The following SEMA4D variants were observed in gnomAD, a reference collection of about 807,000 sequenced individuals.
The protein encoded by SEMA4D is semaphorin 4D, also known as semaphorin-4D.
In SEMA4D, 22 loss-of-function variants were observed where a neutral mutation model predicts 74.8. The observed-to-expected ratio is 0.29, with a 90% confidence interval of 0.21 to 0.42. The LOEUF (loss-of-function observed/expected upper bound fraction) is 0.42, where lower values mean the gene tolerates loss of function less well. Among genes scored for constraint, SEMA4D ranks in the 10% least tolerant of loss-of-function variants. The pLI, the probability that SEMA4D is intolerant of heterozygous loss-of-function variation, is 1.00. For synonymous variants in SEMA4D, 445 were observed against 463.7 expected (o/e 0.96, Z 0.52); for missense variants, 937 against 1,118.4 (o/e 0.84, Z 2.31).
At chr9:89,486,308 G>A (rs1334807080) in intron 1 of SEMA4D, among the ~76,000 whole-genome samples, 2 of 152,202 alleles carry the variant, frequency 1.3e-5, no homozygotes, top group African/African-American at 4.8e-5. Context: ...CAGGTCAGTG[G>A]TTGCTAGGTC....
chr9:89,389,085 G>T (rs1265032119), intron 9 of SEMA4D, 38 bp from the exon 10 acceptor site: 3 of 1,610,174 alleles, frequency 1.9e-6, no homozygotes, highest in Non-Finnish European at 1.7e-6. Context: ...GGCCGAGAGT[G>T]GATCCCCTGT....
At chr9:89,373,432 G>A (rs75789978), downstream of SEMA4D, among the ~76,000 whole-genome samples, 4,375 of 152,212 alleles carry the variant, frequency 0.029, 192 homozygotes, top group East Asian at 0.16. Flanking sequence ...CAGCTCTGGG[G>A]CAGACCCAGT....
At chr9:89,445,000 G>A (rs896453037) in intron 2 of SEMA4D, among the ~76,000 whole-genome samples, 9 of 152,060 alleles carry the variant, frequency 5.9e-5, no homozygotes, top group Admixed American at 3.3e-4. Flanking sequence ...AGATCCAAAC[G>A]GCCACAGAAT....
chr9:89,495,238 C>G (rs1335797019), intron 1 of SEMA4D, among the ~76,000 whole-genome samples: 1 of 152,090 alleles, frequency 6.6e-6, no homozygotes, highest in African/African-American at 2.4e-5. Flanking sequence ...GCTGTGACAC[C>G]CCCAGCTAAA....
At chr9:89,369,697 G>T (rs1347109655) in intron 16 of SEMA4D, among the ~76,000 whole-genome samples, 3 of 152,244 alleles carry the variant, frequency 2.0e-5, no homozygotes, top group Non-Finnish European at 4.4e-5. Context: ...AGTGATCCAT[G>T]AGGAACTTGG....
chr9:89,389,638 A>C (rs1257647780), intron 9 of SEMA4D, among the ~76,000 whole-genome samples: 1 of 152,242 alleles, frequency 6.6e-6, no homozygotes, highest in Non-Finnish European at 1.5e-5. Flanking sequence ...TGACCAAGAC[A>C]CAATTATAAA....
At chr9:89,399,644 C>A (rs1841742605) in intron 4 of SEMA4D, among the ~76,000 whole-genome samples, 1 of 152,068 alleles carries the variant, frequency 6.6e-6, no homozygotes. Context: ...AATTATTTTT[C>A]AAAAACCTAA....
At chr9:89,399,801 C>T (rs973577044) in intron 4 of SEMA4D, among the ~76,000 whole-genome samples, 7 of 151,856 alleles carry the variant, frequency 4.6e-5, no homozygotes, top group Non-Finnish European at 8.8e-5. Flanking sequence ...AGTTCCAGAC[C>T]AGCCTGGCCA....
At chr9:89,469,203 A>G (rs549117539) in intron 1 of SEMA4D, among the ~76,000 whole-genome samples, 17 of 152,374 alleles carry the variant, frequency 1.1e-4, no homozygotes, top group African/African-American at 3.8e-4. Context: ...AAATTTCTCA[A>G]TAACAACCAA....
chr9:89,413,715 G>A (rs977069223), intron 2 of SEMA4D, among the ~76,000 whole-genome samples: 1 of 152,240 alleles, frequency 6.6e-6, no homozygotes, highest in African/African-American at 2.4e-5. Context: ...ATGGGCATCT[G>A]TGTATGTGTG....
chr9:89,496,766 G>A (rs1354457302), intron 1 of SEMA4D, among the ~76,000 whole-genome samples: 1 of 152,198 alleles, frequency 6.6e-6, no homozygotes, highest in Admixed American at 6.5e-5. Flanking sequence ...ACCTCGCCTG[G>A]GCAGCCAGCA....
intron 8 of SEMA4D, among the ~76,000 whole-genome samples, chr9:89,392,030 C>A (rs1282961185): frequency 6.6e-6 from 1 of 152,226 alleles, no homozygotes; most frequent in African/African-American, 2.4e-5. Context: ...CCCATCTGAC[C>A]GGGCACTAGA....
chr9:89,362,352 G>T (rs1306834539), exon 19 of SEMA4D: 1 of 1,614,050 alleles, frequency 6.2e-7, no homozygotes, highest in Non-Finnish European at 8.5e-7. Context: ...GTCAGTGGCA[G>T]CAGGGTCTTG....
Position 89,392,516 on chromosome 9 carries a change from T to C in SEMA4D, c.529A>G (p.Thr177Ala). 6.2e-7 allele frequency: 1 copy of C among 1,613,482 alleles called. No homozygotes were observed. The highest frequency in any genetic ancestry group is 8.5e-7 in the Non-Finnish European group (1 of 1,179,648). Residue 177 changes from threonine (T) to alanine (A), a missense_variant, in exon 8 of 16, where the codon ACG (threonine) becomes GCG (alanine). Coordinates refer to ENST00000422704, the MANE Select transcript of SEMA4D (RefSeq NM_001371194.2). ...TCACTTCCCAAAAAATTATACGACG[T>C]CCCCGAATAAAGTTCTCCATCTGCA... ...VMVDGELYSG[T>A]SYNFLGSEPI... is the part of the protein sequence containing the mutation.
chr9:89,485,788 C>CAAAAAAA (rs56056536), intron 1 of SEMA4D, among the ~76,000 whole-genome samples: 9 of 76,834 alleles, frequency 1.2e-4, no homozygotes, highest in East Asian at 3.9e-4. Context: ...AACTCCATCT[C>CAAAAAAA]AAAAAAAAAA....
chr9:89,406,801 C>A (rs1843412709), intron 2 of SEMA4D, among the ~76,000 whole-genome samples: 1 of 152,148 alleles, frequency 6.6e-6, no homozygotes, highest in East Asian at 1.9e-4. Flanking sequence ...ACTCTAGAAC[C>A]CCACTCCTCC....
At chr9:89,489,152 T>C (rs936395729) in intron 1 of SEMA4D, among the ~76,000 whole-genome samples, 3 of 152,206 alleles carry the variant, frequency 2.0e-5, no homozygotes, top group Non-Finnish European at 4.4e-5. Context: ...ACTGCAACTC[T>C]CATGCGTTAG....
At chr9:89,422,078 T>C (rs1008171666) in intron 2 of SEMA4D, among the ~76,000 whole-genome samples, 17 of 152,198 alleles carry the variant, frequency 1.1e-4, no homozygotes, top group Non-Finnish European at 2.5e-4. Flanking sequence ...AGAGAACACA[T>C]TGCTGACGAT....
At chr9:89,429,701 T>C (rs1342803825) in intron 2 of SEMA4D, among the ~76,000 whole-genome samples, 1 of 152,178 alleles carries the variant, frequency 6.6e-6, no homozygotes, top group Admixed American at 6.5e-5. Context: ...CCGAGGGACG[T>C]ACCCGACCTC....
Sources: gnomAD v4.1 joint callset for allele counts (sites outside exome capture counted in the v4.1 genomes callset) on GRCh38, gnomAD v4.1.1 for gene constraint, MANE v1.5 for transcripts, NCBI Gene and HGNC (gene_info 2026-07-23, HGNC 2026-07-21) for gene names.